Variants in SNTG1 observed in about 807,000 individuals in gnomAD.
The protein encoded by SNTG1 is gamma-1-syntrophin.
In SNTG1, 39 loss-of-function variants were observed where a neutral mutation model predicts 74.7. The observed-to-expected ratio is 0.52, with a 90% CI of 0.40 to 0.68. The LOEUF (loss-of-function observed/expected upper bound fraction) is 0.68. Ranked by LOEUF, SNTG1 falls within the 30% of genes least tolerant of loss-of-function variation. The pLI is 0.00. For synonymous variants in SNTG1, 254 were observed against 217.1 expected, an observed-to-expected ratio of 1.17 and a Z score of -1.49; for missense variants, 685 against 609.5, an observed-to-expected ratio of 1.12 and a Z score of -1.30.
At chr8:50,695,166 GATC>G (rs1563753900) in intron 15 of SNTG1, among the ~76,000 whole-genome samples, 4 of 151,108 alleles carry the variant, frequency 2.6e-5, no homozygotes, top group African/African-American at 9.7e-5. Context: ...CAGGTGATAT[GATC>G]TTATATGTAA....
chr8:50,525,221 T>C (rs1200438436), intron 9 of SNTG1, among the ~76,000 whole-genome samples: 3 of 152,190 alleles, frequency 2.0e-5, no homozygotes, highest in Non-Finnish European at 4.4e-5. Flanking sequence ...CTCCCTATAA[T>C]GTTTCTGCTG....
chr8:50,170,185 C>G (rs4873126), intron 1 of SNTG1, among the ~76,000 whole-genome samples: 41,840 of 151,878 alleles, frequency 0.28, 5,873 homozygotes, highest in Middle Eastern at 0.41. Flanking sequence ...GCATGTTGTT[C>G]TTTAAGTAAT....
chr8:50,508,633 C>A (rs2094032809), intron 9 of SNTG1, among the ~76,000 whole-genome samples: 1 of 152,178 alleles, frequency 6.6e-6, no homozygotes, highest in African/African-American at 2.4e-5. Context: ...GAGATGGTAT[C>A]TCATTGTGGT....
At position 50,693,842 on chromosome 8, in the gene SNTG1, A is replaced by G. The variant is rs542994034; in HGVS notation, c.1039-10758A>G. 2.2e-4 allele frequency among the ~76,000 whole-genome samples: 34 copies of G among 152,350 alleles called. 1 individual carries two copies. In the South Asian group the frequency reaches 6.6e-3, roughly 30 times the overall value. On this transcript the variant is annotated intron_variant, in intron 15 of 18. Transcript: ENST00000642720. ...TTCACAAATATATGAATATTAAACA[A>G]CATGCTCCTGAACAACCAATGGGTC...
intron 1 of SNTG1, among the ~76,000 whole-genome samples, chr8:49,946,175 C>T (rs183834679): frequency 6.6e-6 from 1 of 152,170 alleles, no homozygotes; most frequent in African/African-American, 2.4e-5. Flanking sequence ...TTATCTTTTC[C>T]AGCTGTACCG....
intron 18 of SNTG1, among the ~76,000 whole-genome samples, chr8:50,764,673 G>T (rs1234717002): frequency 6.6e-6 from 1 of 151,936 alleles, no homozygotes; most frequent in Admixed American, 6.6e-5. Context: ...TGCTGTTGGT[G>T]GCAATGTAAA....
Position 49,912,099 on chromosome 8 carries a change from T to A in SNTG1, c.-235T>A, listed in dbSNP as rs1805628810. The A allele has an allele frequency of 6.6e-6, 1 of 152,228 alleles. No individual in the cohort carries two copies. Among genetic ancestry groups the A allele is most frequent in the Non-Finnish European group, 1.5e-5 (1 of 68,082 alleles). The allele number at this position is 152,228 out of a possible 1,614,324, so 9.4% of individuals were successfully genotyped here. A position where few individuals can be genotyped will look rare whatever the true frequency, so the allele number is the denominator to read the frequency against. ...GTTGAAATGCTCAAAGGTCCACACT[T>A]CTTGAAATAAACAGAATGGTCTTGA... On this transcript the variant is annotated 5_prime_UTR_variant, in exon 1 of 19. Coordinates refer to ENST00000642720, the MANE Select transcript of SNTG1 (RefSeq NM_018967.5).
At chr8:50,185,925 T>C (rs1371720288) in intron 2 of SNTG1, among the ~76,000 whole-genome samples, 2 of 152,138 alleles carry the variant, frequency 1.3e-5, no homozygotes, top group Admixed American at 1.3e-4. Context: ...GTTTGTTTGC[T>C]GCACCTATCA....
At chr8:50,115,576 A>AAAAAAAAAAAACAAAAAAAAC (rs2080788276) in intron 1 of SNTG1, among the ~76,000 whole-genome samples, 4 of 82,908 alleles carry the variant, frequency 4.8e-5, no homozygotes, top group South Asian at 1.0e-3. Context: ...TCAAAAAAAA[A>AAAAAAAAAAAACAAAAAAAAC]AAAAAAAAAA....
At chr8:50,431,798 C>T (rs143531442) in intron 4 of SNTG1, among the ~76,000 whole-genome samples, 74 of 152,264 alleles carry the variant, frequency 4.9e-4, no homozygotes, top group African/African-American at 1.6e-3. Context: ...AACATGTCTT[C>T]ATAGGCTTGC....
At chr8:50,784,657 C>A (rs186422171) in intron 18 of SNTG1, among the ~76,000 whole-genome samples, 46 of 152,234 alleles carry the variant, frequency 3.0e-4, no homozygotes, top group African/African-American at 1.1e-3. Flanking sequence ...ATGATATTGA[C>A]TTGGTCAGCA....
chr8:50,564,550 G>T (rs2094505544), intron 12 of SNTG1, among the ~76,000 whole-genome samples: 1 of 152,024 alleles, frequency 6.6e-6, no homozygotes, highest in African/African-American at 2.4e-5. Context: ...TACTCAAAGG[G>T]ATGAAAGCCC....
intron 18 of SNTG1, among the ~76,000 whole-genome samples, chr8:50,780,425 G>A (rs936629542): frequency 1.3e-5 from 2 of 152,178 alleles, no homozygotes; most frequent in African/African-American, 4.8e-5. Context: ...TCCTGGTTTA[G>A]TCTTGGTAGC....
chr8:50,598,563 G>A (rs1038864001), intron 13 of SNTG1, among the ~76,000 whole-genome samples: 13 of 151,808 alleles, frequency 8.6e-5, no homozygotes, highest in Non-Finnish European at 1.5e-5. Context: ...ACTACTGGGA[G>A]TCTTTTACAT....
At chr8:50,768,812 T>C (rs1333772751) in intron 18 of SNTG1, among the ~76,000 whole-genome samples, 7 of 152,020 alleles carry the variant, frequency 4.6e-5, no homozygotes, top group Non-Finnish European at 1.0e-4. Context: ...TTCTGTAAAA[T>C]AGACTTAAGT....
intron 15 of SNTG1, among the ~76,000 whole-genome samples, chr8:50,669,886 T>C (rs1445513488): frequency 6.6e-6 from 1 of 151,996 alleles, no homozygotes; most frequent in South Asian, 2.1e-4. Flanking sequence ...GCTGGTTCAA[T>C]ATAGGCAAAT....
intron 2 of SNTG1, among the ~76,000 whole-genome samples, chr8:50,279,779 G>GA (rs1171303713): frequency 6.6e-6 from 1 of 152,080 alleles, no homozygotes; most frequent in Non-Finnish European, 1.5e-5. Context: ...ATCCCTTGCT[G>GA]AAACAAAGAA....
intron 1 of SNTG1, among the ~76,000 whole-genome samples, chr8:50,036,269 G>A (rs1035648397): frequency 3.3e-5 from 5 of 152,148 alleles, no homozygotes; most frequent in African/African-American, 1.2e-4. Flanking sequence ...ATAAGAAAAT[G>A]ACAACTATGA....
At chr8:50,505,012 C>T (rs1774737779) in intron 9 of SNTG1, among the ~76,000 whole-genome samples, 1 of 152,140 alleles carries the variant, frequency 6.6e-6, no homozygotes, top group African/African-American at 2.4e-5. Context: ...GACCCACCCA[C>T]TGGCAAACAC....
Sources: allele counts gnomAD v4.1 joint callset (sites outside exome capture counted in the v4.1 genomes callset), GRCh38; gene constraint gnomAD v4.1.1; transcripts MANE v1.5; gene names NCBI Gene and HGNC (gene_info 2026-07-23, HGNC 2026-07-21).